Variants in RYR2 observed in about 807,000 individuals in gnomAD.
The protein encoded by RYR2 is cardiac muscle ryanodine receptor-calcium release channel.
A neutral mutation model predicts 601.1 loss-of-function variants in RYR2; 227 were observed. The ratio of observed to expected loss-of-function variants is 0.38; its 90% CI spans 0.34 to 0.42. The LOEUF (loss-of-function observed/expected upper bound fraction) is 0.42, where lower values mean the gene tolerates loss of function less well. Ranked by LOEUF, RYR2 falls within the 10% of genes least tolerant of loss-of-function variation. The probability of loss-of-function intolerance (pLI) is 1.00; values close to 1 mark genes in which losing one functional copy is unlikely to be tolerated. For synonymous variants in RYR2, 2,223 were observed against 2,175.1 expected (o/e 1.02, Z -0.61); for missense variants, 4,646 against 6,156.5 (o/e 0.75, Z 8.21).
chr1:237,122,419 T>G (rs773662134), intron 1 of RYR2, among the ~76,000 whole-genome samples: 5 of 152,228 alleles, frequency 3.3e-5, no homozygotes, highest in Non-Finnish European at 7.3e-5. Flanking sequence ...TGGTGGCTCA[T>G]GCCTGTAATC....
At chr1:237,668,422 A>G (rs1022080939) in intron 58 of RYR2, among the ~76,000 whole-genome samples, 3 of 152,178 alleles carry the variant, frequency 2.0e-5, no homozygotes, top group African/African-American at 7.2e-5. Flanking sequence ...TTATTTCTCA[A>G]GTCTTTTAAA....
intron 10 of RYR2, among the ~76,000 whole-genome samples, chr1:237,398,738 G>A (rs1703077602): frequency 6.6e-6 from 1 of 152,208 alleles, no homozygotes; most frequent in Admixed American, 6.5e-5. Flanking sequence ...GTACTCCTGG[G>A]CATTTATTCT....
intron 71 of RYR2, among the ~76,000 whole-genome samples, chr1:237,716,558 A>C (rs1689282130): frequency 6.6e-6 from 1 of 152,132 alleles, no homozygotes; most frequent in Non-Finnish European, 1.5e-5. Flanking sequence ...AGCCTCAAAA[A>C]CATCACAAGA....
At chr1:237,164,702 G>A (rs1470733288) in intron 1 of RYR2, among the ~76,000 whole-genome samples, 1 of 152,102 alleles carries the variant, frequency 6.6e-6, no homozygotes, top group Non-Finnish European at 1.5e-5. Context: ...AAAGGTCACG[G>A]CAACCTCTTA....
chr1:237,425,878 G>C (rs1706100650), intron 12 of RYR2, among the ~76,000 whole-genome samples: 1 of 152,014 alleles, frequency 6.6e-6, no homozygotes. Flanking sequence ...TATGACTATA[G>C]TTTGGTGTTC....
intron 1 of RYR2, among the ~76,000 whole-genome samples, chr1:237,191,484 T>G (rs1679961586): frequency 2.6e-5 from 4 of 152,120 alleles, no homozygotes; most frequent in Admixed American, 1.3e-4. Context: ...CATTGAGTCT[T>G]GACTGTCTTA....
At chr1:237,176,348 T>C (rs17671324) in intron 1 of RYR2, among the ~76,000 whole-genome samples, 6,693 of 150,198 alleles carry the variant, frequency 0.045, 338 homozygotes, top group Admixed American at 0.17. Context: ...TTCACTTACA[T>C]TCATGTTGTA....
chr1:237,346,730 T>G lies in RYR2; in HGVS notation c.274-9235T>G, dbSNP rs1295085079. On this transcript the variant is annotated intron_variant, in intron 3 of 104. Transcript: ENST00000366574. ...TGTTTAATTAAGTCAATCACTGGCC[T>G]TACTTTTGTGCTTCATTTGCTCAAT... Among the ~76,000 whole-genome samples the G allele has an allele frequency of 2.0e-5, 3 of 152,186 alleles. No homozygotes were observed. The East Asian group carries it at 5.8e-4, about 29-fold the overall frequency.
intron 12 of RYR2, among the ~76,000 whole-genome samples, chr1:237,434,374 G>A (rs1707138526): frequency 6.6e-6 from 1 of 152,072 alleles, no homozygotes; most frequent in Non-Finnish European, 1.5e-5. Flanking sequence ...GAAAAAAACT[G>A]AATAAAATAG....
intron 8 of RYR2, among the ~76,000 whole-genome samples, chr1:237,385,011 T>C (rs945835043): frequency 6.6e-6 from 1 of 152,094 alleles, no homozygotes; most frequent in African/African-American, 2.4e-5. Flanking sequence ...TGCCTCAGCC[T>C]CCTGAGTAAC....
chr1:237,552,215 C>G (rs1328799887), intron 27 of RYR2, among the ~76,000 whole-genome samples: 1 of 151,970 alleles, frequency 6.6e-6, no homozygotes, highest in African/African-American at 2.4e-5. Context: ...AGTGTACAGT[C>G]CCTGTAACCA....
intron 51 of RYR2, among the ~76,000 whole-genome samples, chr1:237,653,023 A>G (rs1397578274): frequency 6.6e-6 from 1 of 152,248 alleles, no homozygotes; most frequent in Admixed American, 6.5e-5. Context: ...GTATAGTCAT[A>G]AGATCATTTT....
rs1470404062 is a variant in RYR2, at chr1:237,403,035, T to TGGGAGAGAGGAAGCAGCCA, written c.774-14013_774-13995dup. The stretch of plus-strand genomic sequence containing the variant: ...GAGTCCCAAAATGAAAGGACAAGGG[T>TGGGAGAGAGGAAGCAGCCA]GGGAGAGAGGAAGCAGCCAAGGAGA... On this transcript the variant is annotated intron_variant, in intron 10 of 104. Coordinates refer to ENST00000366574, the MANE Select transcript of RYR2 (RefSeq NM_001035.3). Among the ~76,000 whole-genome samples the TGGGAGAGAGGAAGCAGCCA allele has an allele frequency of 2.6e-5, 4 of 151,636 alleles. No homozygotes were observed. In the East Asian group the frequency reaches 5.8e-4, roughly 22 times the overall value.
chr1:237,511,834 GAAAAAAAA>G lies in RYR2; in HGVS notation c.2822+61_2822+68del, dbSNP rs71561879. The G allele has an allele frequency of 4.8e-3, 905 of 188,898 alleles. 2 individuals carry two copies. The highest frequency in any genetic ancestry group is 0.019 in the African/African-American group (615 of 32,904). 11.7% of individuals were successfully genotyped at this position (188,898 alleles called of 1,614,324 possible). The stretch of plus-strand genomic sequence containing the variant: ...TTCTATTTTCCAACCTGCCTTCCCT[GAAAAAAAA>G]AAAAAAAAAAAAAAAAACAGGTATT... On this transcript the variant is annotated intron_variant, in intron 24 of 104. Coordinates refer to ENST00000366574, the MANE Select transcript of RYR2 (RefSeq NM_001035.3).
chr1:237,362,734 A>C (rs1275906212), intron 4 of RYR2, among the ~76,000 whole-genome samples: 1 of 152,202 alleles, frequency 6.6e-6, no homozygotes, highest in African/African-American at 2.4e-5. Context: ...GTTATTGTCA[A>C]TAATGCCACT....
At position 237,651,398 on chromosome 1, in the gene RYR2, T is replaced by A; in HGVS notation, c.7734-13T>A. On this transcript the variant is annotated splice_polypyrimidine_tract_variant and intron_variant, in intron 50 of 104. Coordinates refer to ENST00000366574, the MANE Select transcript of RYR2 (RefSeq NM_001035.3). ...ATTTCTTGGCATTATGAACATTAGCTTTGTTCCAACAGACAACTGAGACCT... is the reference window on the plus strand; with the variant it reads ...ATTTCTTGGCATTATGAACATTAGCATTGTTCCAACAGACAACTGAGACCT... The A allele has an allele frequency of 6.4e-7, 1 of 1,562,248 alleles. No individual in the cohort carries two copies. The highest frequency in any genetic ancestry group is 1.2e-5 in the South Asian group (1 of 85,918).
chr1:237,166,977 G>A (rs968782283), intron 1 of RYR2, among the ~76,000 whole-genome samples: 1 of 152,198 alleles, frequency 6.6e-6, no homozygotes, highest in African/African-American at 2.4e-5. Context: ...AAAATATGCT[G>A]ACAAATAATG....
intron 1 of RYR2, among the ~76,000 whole-genome samples, chr1:237,199,250 A>G (rs2149037893): frequency 6.6e-6 from 1 of 152,352 alleles, no homozygotes; most frequent in Middle Eastern, 3.4e-3. Flanking sequence ...ATACGATCAC[A>G]AGGTGAGGTC....
chr1:237,367,534 T>G (rs1310328089), intron 5 of RYR2, among the ~76,000 whole-genome samples: 1 of 152,202 alleles, frequency 6.6e-6, no homozygotes, highest in Non-Finnish European at 1.5e-5. Flanking sequence ...TGATATTTGT[T>G]TAATAAAAAG....
Sources: gnomAD v4.1 joint callset for allele counts (sites outside exome capture counted in the v4.1 genomes callset) on GRCh38, gnomAD v4.1.1 for gene constraint, MANE v1.5 for transcripts, NCBI Gene and HGNC (gene_info 2026-07-23, HGNC 2026-07-21) for gene names.